SLC36A1: variants seen among roughly 807,000 people sequenced by gnomAD.
The protein encoded by SLC36A1 is proton-coupled amino acid transporter 1.
SLC36A1 carries 30 observed loss-of-function variants against 47.5 expected under a neutral mutation model. The observed-to-expected ratio is 0.63, with a 90% CI of 0.47 to 0.86. The LOEUF is 0.86. Among genes scored for constraint, SLC36A1 ranks in the 40% least tolerant of loss-of-function variants. SLC36A1 has a pLI of 0.00. For missense variants in SLC36A1, 517 were observed against 606.0 expected (o/e 0.85, Z 1.54); for synonymous variants, 255 against 249.7 (o/e 1.02, Z -0.20).
intron 8 of SLC36A1, among the ~76,000 whole-genome samples, chr5:151,475,140 C>T (rs1359254526): frequency 6.6e-6 from 1 of 152,180 alleles, no homozygotes; most frequent in Non-Finnish European, 1.5e-5. Flanking sequence ...AAATGGTTTC[C>T]TGCTGCTGGG....
At chr5:151,365,193 A>T in the SLC36A1 span, among the ~76,000 whole-genome samples, 5 of 152,324 alleles carry the variant, frequency 3.3e-5, no homozygotes, top group South Asian at 1.0e-3. Flanking sequence ...CAATGATGGG[A>T]CATTACTGGA....
chr5:151,496,364 G>A (rs1760341233), downstream of SLC36A1, among the ~76,000 whole-genome samples: 1 of 152,150 alleles, frequency 6.6e-6, no homozygotes, highest in South Asian at 2.1e-4. Flanking sequence ...CCAGTCTCTG[G>A]TATGTCTGGT....
chr5:151,366,592 C>T, the SLC36A1 span: 1 of 196,898 alleles, frequency 5.1e-6, no homozygotes, highest in Non-Finnish European at 1.1e-5. Context: ...GGGCAGGGTG[C>T]TGCTGCTCAC....
At chr5:151,379,851 A>G in the SLC36A1 span, among the ~76,000 whole-genome samples, 32 of 152,342 alleles carry the variant, frequency 2.1e-4, no homozygotes, top group East Asian at 5.8e-3. Context: ...TCACATTTCA[A>G]GCGCTCAATG....
chr5:151,352,435 G>A, the SLC36A1 span, among the ~76,000 whole-genome samples: 1 of 152,196 alleles, frequency 6.6e-6, no homozygotes, highest in East Asian at 1.9e-4. Flanking sequence ...CAGATGTGGA[G>A]TAAGCCTCAG....
chr5:151,478,055 C>T (rs979676643), intron 9 of SLC36A1, among the ~76,000 whole-genome samples: 1 of 152,076 alleles, frequency 6.6e-6, no homozygotes, highest in African/African-American at 2.4e-5. Flanking sequence ...ATGATTTTTC[C>T]CAAGAGTTTT....
chr5:151,431,159 T>C, the SLC36A1 span: 1 of 152,222 alleles, frequency 6.6e-6, no homozygotes, highest in Non-Finnish European at 1.5e-5. Flanking sequence ...TGCTTGTCTG[T>C]CAAGAACTAC....
chr5:151,531,280 G>C, the SLC36A1 span, among the ~76,000 whole-genome samples: 2 of 152,160 alleles, frequency 1.3e-5, no homozygotes, highest in Admixed American at 1.3e-4. The surrounding 1 kb of genome is among the most constrained non-coding windows in gnomAD (Gnocchi z 5.7). Context: ...TCCTGCGCTG[G>C]GCCTGAGCTG....
At chr5:151,352,437 A>G in the SLC36A1 span, among the ~76,000 whole-genome samples, 1 of 152,200 alleles carries the variant, frequency 6.6e-6, no homozygotes, top group Non-Finnish European at 1.5e-5. Context: ...GATGTGGAGT[A>G]AGCCTCAGAG....
chr5:151,551,581 G>A, the SLC36A1 span: 1 of 1,614,218 alleles, frequency 6.2e-7, no homozygotes, highest in Non-Finnish European at 8.5e-7. Context: ...TCTTCTCAAT[G>A]TCAAAGTCCA....
chr5:151,480,739 T>G (rs1313373170), intron 10 of SLC36A1, among the ~76,000 whole-genome samples: 1 of 152,240 alleles, frequency 6.6e-6, no homozygotes, highest in African/African-American at 2.4e-5. Context: ...AGTGTATGTT[T>G]CCACCGTGGA....
At chr5:151,553,365 T>C in the SLC36A1 span, 3 of 1,614,230 alleles carry the variant, frequency 1.9e-6, no homozygotes, top group Non-Finnish European at 2.5e-6. Context: ...GAGTGGTGGC[T>C]GCCCACTGTC....
the SLC36A1 span, among the ~76,000 whole-genome samples, chr5:151,536,323 C>T: frequency 1.3e-5 from 2 of 152,176 alleles, no homozygotes; most frequent in Non-Finnish European, 2.9e-5. Flanking sequence ...CTCTGCCTGT[C>T]CCTGCTGGGG....
chr5:151,456,489 A>T (rs1754529222), intron 1 of SLC36A1, among the ~76,000 whole-genome samples: 1 of 152,206 alleles, frequency 6.6e-6, no homozygotes, highest in African/African-American at 2.4e-5. Context: ...CTGTAAACTG[A>T]TTTACGAGCT....
At chr5:151,542,080 A>C in the SLC36A1 span, among the ~76,000 whole-genome samples, 3 of 152,342 alleles carry the variant, frequency 2.0e-5, no homozygotes, top group East Asian at 5.8e-4. Context: ...GAAATTACAG[A>C]TCTTACCAGC....
the SLC36A1 span, among the ~76,000 whole-genome samples, chr5:151,396,300 A>T: frequency 2.0e-5 from 3 of 150,700 alleles, no homozygotes; most frequent in Non-Finnish European, 4.4e-5. Flanking sequence ...ATGGGGTTTC[A>T]CCATATTGGC....
At chr5:151,497,408 T>C in the SLC36A1 span, among the ~76,000 whole-genome samples, 7 of 152,236 alleles carry the variant, frequency 4.6e-5, no homozygotes, top group African/African-American at 1.7e-4. Flanking sequence ...TTTTTGAATA[T>C]TGAACTGGCC....
the SLC36A1 span, among the ~76,000 whole-genome samples, chr5:151,395,609 G>A: frequency 6.6e-6 from 1 of 152,160 alleles, no homozygotes; most frequent in Non-Finnish European, 1.5e-5. Context: ...ACTCTCACAT[G>A]GAATGTGAGT....
At chr5:151,464,425 TA>T (rs1756027784) in intron 3 of SLC36A1, 88 bp from the exon 4 acceptor site, 1 of 1,183,800 alleles carries the variant, frequency 8.4e-7, no homozygotes, top group Non-Finnish European at 1.2e-6. Context: ...AGTAGCTTTT[TA>T]ATCCTTTGTG....
Sources: gnomAD v4.1 joint callset for allele counts (sites outside exome capture counted in the v4.1 genomes callset) on GRCh38, gnomAD v4.1.1 for gene constraint, Gnocchi (gnomAD v3.1) non-coding constraint, MANE v1.5 for transcripts, NCBI Gene and HGNC (gene_info 2026-07-23, HGNC 2026-07-21) for gene names.